WDFY2: variants seen among roughly 807,000 people sequenced by gnomAD.
The protein encoded by WDFY2 is WD repeat and FYVE domain containing 2.
Under a neutral mutation model 56.4 loss-of-function variants are expected in WDFY2, and 36 were observed. The ratio of observed to expected loss-of-function variants is 0.64; its 90% CI spans 0.49 to 0.84. The LOEUF (loss-of-function observed/expected upper bound fraction) is 0.84. WDFY2 is among the 40% of genes least tolerant of loss of function. WDFY2 has a pLI of 0.00. For synonymous variants in WDFY2, 176 were observed against 183.7 expected, an observed-to-expected ratio of 0.96 and a Z score of 0.34; for missense variants, 444 against 512.2, an observed-to-expected ratio of 0.87 and a Z score of 1.29.
intron 2 of WDFY2, among the ~76,000 whole-genome samples, chr13:51,672,175 T>A (rs1955819678): frequency 6.6e-6 from 1 of 152,200 alleles, no homozygotes; most frequent in African/African-American, 2.4e-5. Context: ...ATTTTTATGG[T>A]TTCAGGTTTT....
chr13:51,683,049 A>G lies in WDFY2; in HGVS notation c.279+7806A>G, dbSNP rs544959815. ...TCTTATCCAAGTTGTTGCCATTTTAATCTTCATCGTCCTCAAGAAAAGGGG... is the reference window on the plus strand; with the variant it reads ...TCTTATCCAAGTTGTTGCCATTTTAGTCTTCATCGTCCTCAAGAAAAGGGG... On this transcript the variant is annotated intron_variant, in intron 3 of 11. Coordinates refer to ENST00000298125, the MANE Select transcript of WDFY2 (RefSeq NM_052950.4). Among the ~76,000 whole-genome samples, 69 of 152,160 alleles carry G rather than the reference A, an allele frequency of 4.5e-4. 1 individual carries two copies. The highest frequency in any genetic ancestry group is 8.8e-4 in the Non-Finnish European group (60 of 68,030).
At chr13:51,748,517 G>C (rs1953155573) in intron 7 of WDFY2, among the ~76,000 whole-genome samples, 1 of 152,172 alleles carries the variant, frequency 6.6e-6, no homozygotes, top group African/African-American at 2.4e-5. Flanking sequence ...GCAATGTCTG[G>C]TTATATAATC....
chr13:51,618,062 A>G, intron 1 of WDFY2, among the ~76,000 whole-genome samples: 1 of 152,234 alleles, frequency 6.6e-6, no homozygotes, highest in Non-Finnish European at 1.5e-5. Flanking sequence ...TAATGCCCAA[A>G]TTTGAGATAC....
rs1421646086 is a variant in WDFY2, at chr13:51,761,438, C to A, written c.*1669C>A. On this transcript the variant is annotated 3_prime_UTR_variant, in exon 12 of 12. Coordinates refer to ENST00000298125, the MANE Select transcript of WDFY2 (RefSeq NM_052950.4). Reference sequence around the variant, plus strand: ...CACTTTACACGCACAGCTCATTCAACCTCACGTGTCGGGAGCATCAGGGAG... The same window carrying A: ...CACTTTACACGCACAGCTCATTCAAACTCACGTGTCGGGAGCATCAGGGAG... 6.6e-6 allele frequency: 1 copy of A among 152,218 alleles called. No homozygotes were observed. The highest frequency in any genetic ancestry group is 1.5e-5 in the Non-Finnish European group (1 of 68,050). 9.4% of individuals were successfully genotyped at this position (152,218 alleles called of 1,614,324 possible). A position where few individuals can be genotyped will look rare whatever the true frequency, so the allele number is the denominator to read the frequency against.
chr13:51,757,655 G>C (rs1298149094), intron 10 of WDFY2, among the ~76,000 whole-genome samples: 1 of 151,342 alleles, frequency 6.6e-6, no homozygotes. Context: ...AAAAAGTATA[G>C]GTAAAAAATA....
At chr13:51,753,765 A>G (rs1046113112) in intron 8 of WDFY2, among the ~76,000 whole-genome samples, 7 of 150,752 alleles carry the variant, frequency 4.6e-5, no homozygotes, top group Admixed American at 6.6e-5. Flanking sequence ...GTGTGTGTGT[A>G]TGTGTGTCTG....
chr13:51,663,482 G>A (rs1955649062), intron 2 of WDFY2, among the ~76,000 whole-genome samples: 1 of 152,158 alleles, frequency 6.6e-6, no homozygotes, highest in African/African-American at 2.4e-5. Context: ...GATTACTACT[G>A]TGTAGAGGTG....
At chr13:51,738,934 A>C in intron 6 of WDFY2, 115 bp from the exon 7 acceptor site, 1 of 1,255,646 alleles carries the variant, frequency 8.0e-7, no homozygotes, top group Non-Finnish European at 1.0e-6. Context: ...TCTTTCAATA[A>C]GAATTTATTG....
chr13:51,584,748 G>T lies in WDFY2; in HGVS notation c.61G>T (p.Glu21Ter). The T allele has an allele frequency of 1.2e-6, 2 of 1,613,896 alleles. No homozygotes were observed. The highest frequency in any genetic ancestry group is 1.1e-5 in the South Asian group (1 of 91,076). ...CAAGCCGATCCTGCTGCAGCGGATGGAGGGGTCCCAGGAGGTGGTGAATAT... is the reference window on the plus strand; with the variant it reads ...CAAGCCGATCCTGCTGCAGCGGATGTAGGGGTCCCAGGAGGTGGTGAATAT... Reference protein sequence around the residue: ...TRKPILLQRMEGSQEVVNMAV... With the variant: ...TRKPILLQRM The change falls in exon 1 of 12, where the codon GAG becomes TAG. Residue 21 changes from glutamate to a stop codon, truncating the protein, a stop_gained. Coordinates refer to ENST00000298125, the MANE Select transcript of WDFY2 (RefSeq NM_052950.4). LOFTEE classifies it high-confidence loss of function.
intron 7 of WDFY2, among the ~76,000 whole-genome samples, chr13:51,746,292 AC>A (rs1397737328): frequency 2.0e-5 from 3 of 151,992 alleles, no homozygotes. Flanking sequence ...AGGCTAGAAA[AC>A]CAAGCCCAAG....
chr13:51,700,896 G>A (rs896829400), intron 3 of WDFY2, among the ~76,000 whole-genome samples: 1 of 152,196 alleles, frequency 6.6e-6, no homozygotes, highest in African/African-American at 2.4e-5. Context: ...GAACCCAGGA[G>A]GCGGAGGTTG....
chr13:51,633,226 GCCTCT>G (rs1476765423), intron 1 of WDFY2, among the ~76,000 whole-genome samples: 1 of 152,228 alleles, frequency 6.6e-6, no homozygotes, highest in East Asian at 1.9e-4. Context: ...CTGGCCTCCA[GCCTCT>G]GCTCCAACCC....
chr13:51,641,562 C>G (rs1955158210), intron 1 of WDFY2, among the ~76,000 whole-genome samples: 1 of 151,490 alleles, frequency 6.6e-6, no homozygotes, highest in South Asian at 2.1e-4. Context: ...CGCGGTGGCT[C>G]ACGCCTGTAA....
intron 1 of WDFY2, among the ~76,000 whole-genome samples, chr13:51,636,651 G>A (rs1378505450): frequency 6.6e-6 from 1 of 152,144 alleles, no homozygotes. Context: ...AAGAGGTCTG[G>A]GATATTCCAG....
intron 6 of WDFY2, among the ~76,000 whole-genome samples, chr13:51,738,787 A>G (rs1010425639): frequency 2.6e-5 from 4 of 152,092 alleles, no homozygotes; most frequent in Non-Finnish European, 4.4e-5. Context: ...TTGAAGGTCA[A>G]TTTATTGTCT....
intron 1 of WDFY2, chr13:51,588,729 A>G (rs1368631390): frequency 6.6e-6 from 1 of 152,204 alleles, no homozygotes; most frequent in Admixed American, 6.5e-5. Flanking sequence ...AGGGTGGACA[A>G]CGGAGCCAAT....
intron 3 of WDFY2, among the ~76,000 whole-genome samples, chr13:51,695,624 G>T (rs760308255): frequency 3.3e-5 from 5 of 152,216 alleles, no homozygotes; most frequent in Non-Finnish European, 7.3e-5. Context: ...GGCTGCTCGG[G>T]GGTCAGGGGT....
At chr13:51,753,922 T>A (rs1262567569) in intron 8 of WDFY2, among the ~76,000 whole-genome samples, 1 of 148,118 alleles carries the variant, frequency 6.8e-6, no homozygotes, top group East Asian at 2.0e-4. Context: ...CTGTCTCTAC[T>A]AACAATACAA....
intron 1 of WDFY2, among the ~76,000 whole-genome samples, chr13:51,622,988 G>C (rs1954766650): frequency 6.6e-6 from 1 of 151,544 alleles, no homozygotes. Context: ...CTCCCGAGTA[G>C]TTGGGATTAC....
Sources: gnomAD v4.1 joint callset for allele counts (sites outside exome capture counted in the v4.1 genomes callset) on GRCh38, gnomAD v4.1.1 for gene constraint, MANE v1.5 for transcripts, NCBI Gene and HGNC (gene_info 2026-07-23, HGNC 2026-07-21) for gene names.